The following HGF variants were observed in gnomAD, a reference collection of about 807,000 sequenced individuals.
The protein encoded by HGF is hepatocyte growth factor, also known as fibroblast-derived tumor cytotoxic factor.
HGF carries 39 observed loss-of-function variants against 111.6 expected under a neutral mutation model. The ratio of observed to expected loss-of-function variants is 0.35; its 90% CI spans 0.27 to 0.46. HGF has a LOEUF of 0.46. Ranked by LOEUF, HGF falls within the 20% of genes least tolerant of loss-of-function variation. HGF has a pLI of 1.00. For synonymous variants in HGF, 285 were observed against 294.8 expected (o/e 0.97, Z 0.34); for missense variants, 735 against 910.5 (o/e 0.81, Z 2.48).
chr7:81,758,559 A>T (rs1240489075), intron 3 of HGF, 133 bp downstream of exon 3: 1 of 653,552 alleles, frequency 1.5e-6, no homozygotes, highest in Non-Finnish European at 2.7e-6. Context: ...GTCTTAATGG[A>T]TGAATTGACT....
intron 7 of HGF, among the ~76,000 whole-genome samples, chr7:81,741,215 A>G (rs1325370251): frequency 6.6e-6 from 1 of 152,170 alleles, no homozygotes; most frequent in Admixed American, 6.5e-5. Context: ...AAATATTTCC[A>G]AAATATTCCC....
intron 3 of HGF, among the ~76,000 whole-genome samples, chr7:81,758,423 G>A (rs1041238906): frequency 3.3e-5 from 5 of 151,904 alleles, no homozygotes; most frequent in Non-Finnish European, 7.4e-5. Context: ...CCAGTTCTAG[G>A]AGATGCTCCA....
chr7:81,721,289 C>G (rs1368848893), intron 9 of HGF, among the ~76,000 whole-genome samples: 1 of 151,978 alleles, frequency 6.6e-6, no homozygotes, highest in East Asian at 1.9e-4. Flanking sequence ...GAAATCTGTA[C>G]AAATCAAAAA....
intron 5 of HGF, chr7:81,751,578 C>G (rs1218364162): frequency 1.0e-6 from 1 of 993,858 alleles, no homozygotes; most frequent in African/African-American, 1.7e-5. Context: ...TACTCAGTTC[C>G]AGCCTACGTG....
intron 17 of HGF, among the ~76,000 whole-genome samples, chr7:81,703,836 C>A (rs901839262): frequency 6.6e-6 from 1 of 151,448 alleles, no homozygotes; most frequent in Non-Finnish European, 1.5e-5. Flanking sequence ...TGGGGAAAAC[C>A]AAGTTAGGGG....
In HGF at chr7:81,743,375, C is replaced by T. The variant is rs2116021786; in HGVS notation, c.843G>A (p.Glu281=). 1 of 1,608,586 alleles carries T rather than the reference C, an allele frequency of 6.2e-7. No individual in the cohort carries two copies. Among genetic ancestry groups the T allele is most frequent in the Non-Finnish European group, 8.5e-7 (1 of 1,174,932 alleles). ...CYTLDPHTRW[E]YCAIKTCADN... ...TACCGCATGTTTTAATTGCACAGTA[C>T]TCCCAGCGGGTGTGAGGGTCAAGAG... The change falls in exon 7 of 18, where the codon GAG becomes GAA. Residue 281 remains glutamate (E), a synonymous_variant. Coordinates refer to ENST00000222390, the MANE Select transcript of HGF (RefSeq NM_000601.6).
chr7:81,758,896 T>C, intron 2 of HGF, 92 bp from the exon 3 acceptor site: 1 of 795,380 alleles, frequency 1.3e-6, no homozygotes, highest in South Asian at 1.5e-5. Context: ...CATGGGCATA[T>C]GGACAATATA....
chr7:81,713,165 A>C (rs181094127), intron 11 of HGF, among the ~76,000 whole-genome samples: 49 of 152,290 alleles, frequency 3.2e-4, no homozygotes, highest in African/African-American at 1.1e-3. Context: ...TCTAAGCATT[A>C]AGCTAATAGG....
intron 7 of HGF, among the ~76,000 whole-genome samples, chr7:81,730,836 A>G (rs978604468): frequency 1.3e-5 from 2 of 152,196 alleles, no homozygotes; most frequent in African/African-American, 4.8e-5. Flanking sequence ...TGGCCATTCA[A>G]GATGCCTCTG....
At chr7:81,742,080 G>A (rs976509374) in intron 7 of HGF, among the ~76,000 whole-genome samples, 1 of 152,008 alleles carries the variant, frequency 6.6e-6, no homozygotes, top group East Asian at 1.9e-4. Flanking sequence ...AGCAATGAGT[G>A]GAACCAACCC....
chr7:81,764,586 A>G (rs1179394588), intron 1 of HGF, among the ~76,000 whole-genome samples: 1 of 152,140 alleles, frequency 6.6e-6, no homozygotes, highest in African/African-American at 2.4e-5. Context: ...TTAACATCCC[A>G]ATTTCTCAAT....
intron 1 of HGF, among the ~76,000 whole-genome samples, chr7:81,763,270 G>A (rs1031730731): frequency 4.6e-5 from 7 of 152,040 alleles, no homozygotes; most frequent in South Asian, 2.1e-4. Context: ...CCTCATATAC[G>A]TTATAGTATT....
chr7:81,727,581 T>TAA (rs11377584), intron 8 of HGF, among the ~76,000 whole-genome samples: 17 of 151,888 alleles, frequency 1.1e-4, no homozygotes, highest in African/African-American at 2.4e-4. Context: ...CTTACATTTT[T>TAA]AAAAAAAATC....
In HGF at chr7:81,720,759, C is replaced by T. The variant is rs1789831549; in HGVS notation, c.1257G>A (p.Met419Ile). 1 of 1,606,606 alleles carries T rather than the reference C, an allele frequency of 6.2e-7. No individual in the cohort carries two copies. The highest frequency in any genetic ancestry group is 1.3e-5 in the African/African-American group (1 of 74,722). ...AATTTACACACCGATGTAAGTCTTCCATGTTCTTGTCCCACATTGAACATG... is the reference window on the plus strand; with the variant it reads ...AATTTACACACCGATGTAAGTCTTCTATGTTCTTGTCCCACATTGAACATG... ...GLTCSMWDKN[M>I]EDLHRHIFWE... is the part of the protein sequence containing the mutation. Residue 419 changes from methionine (M) to isoleucine (I), a missense_variant, in exon 10 of 18, where the codon ATG becomes ATA. Around this residue, in one of 3 missense-constraint regions of HGF, gnomAD observed 553 missense variants for 685.6 expected, o/e 0.81. Coordinates refer to ENST00000222390, the MANE Select transcript of HGF (RefSeq NM_000601.6).
chr7:81,766,315 A>G (rs1162791913), intron 1 of HGF, among the ~76,000 whole-genome samples: 1 of 152,208 alleles, frequency 6.6e-6, no homozygotes, highest in African/African-American at 2.4e-5. Flanking sequence ...ATATTCTGAG[A>G]AACCTATCCA....
chr7:81,704,630 A>G (rs1300905318), intron 17 of HGF, among the ~76,000 whole-genome samples: 3 of 151,802 alleles, frequency 2.0e-5, no homozygotes, highest in Non-Finnish European at 4.4e-5. Flanking sequence ...ATACATATTT[A>G]TGTTCCATAC....
intron 1 of HGF, among the ~76,000 whole-genome samples, chr7:81,769,138 G>A (rs1200288213): frequency 6.6e-6 from 1 of 152,024 alleles, no homozygotes; most frequent in Non-Finnish European, 1.5e-5. Context: ...GATAACAAGA[G>A]AAACTTCCCA....
At chr7:81,766,731 C>T (rs1562915633) in intron 1 of HGF, among the ~76,000 whole-genome samples, 1 of 152,152 alleles carries the variant, frequency 6.6e-6, no homozygotes, top group Non-Finnish European at 1.5e-5. Context: ...CTTCTAGAAG[C>T]CTCATCCTGG....
chr7:81,762,411 A>G (rs978568182), intron 2 of HGF, among the ~76,000 whole-genome samples: 1 of 152,232 alleles, frequency 6.6e-6, no homozygotes, highest in Non-Finnish European at 1.5e-5. Flanking sequence ...TAAAACCCAA[A>G]GCCAATTGAA....
Sources: allele counts gnomAD v4.1 joint callset (sites outside exome capture counted in the v4.1 genomes callset), GRCh38; gene constraint gnomAD v4.1.1; regional missense constraint gnomAD v4.1.1; transcripts MANE v1.5; gene names NCBI Gene and HGNC (gene_info 2026-07-23, HGNC 2026-07-21).